SPEF2: variants seen among roughly 807,000 people sequenced by gnomAD.
SPEF2 encodes the protein sperm flagellar and cilia associated 2.
Under a neutral mutation model 224.6 loss-of-function variants are expected in SPEF2, and 187 were observed. That is an observed-to-expected ratio of 0.83 (90% CI 0.74 to 0.94). The LOEUF is 0.94. SPEF2 is among the 40% of genes least tolerant of loss of function. The probability of loss-of-function intolerance (pLI) is 0.00; values close to 1 mark genes in which losing one functional copy is unlikely to be tolerated. For missense variants in SPEF2, 2,170 were observed against 2,135.6 expected (o/e 1.02, Z -0.32); for synonymous variants, 715 against 707.3 (o/e 1.01, Z -0.17).
chr5:35,697,014 A>G (rs1055637888), intron 14 of SPEF2, among the ~76,000 whole-genome samples: 1 of 152,180 alleles, frequency 6.6e-6, no homozygotes, highest in Non-Finnish European at 1.5e-5. Context: ...GAATCAGGTC[A>G]GTCAGGGCCT....
At chr5:35,692,111 T>A (rs1228377611) in intron 11 of SPEF2, among the ~76,000 whole-genome samples, 1 of 152,020 alleles carries the variant, frequency 6.6e-6, no homozygotes, top group Non-Finnish European at 1.5e-5. Context: ...TCACGTTTTT[T>A]AAAAAGAAGC....
At chr5:35,709,211 CT>C in intron 19 of SPEF2, 90 bp downstream of exon 19, 1 of 1,550,076 alleles carries the variant, frequency 6.5e-7, no homozygotes, top group African/African-American at 1.4e-5. Flanking sequence ...TACATTCAGA[CT>C]TTGGGCAACT....
In SPEF2 at chr5:35,659,087, C is replaced by T. The variant is rs762981973; in HGVS notation, c.1047C>T (p.Ala349=). Residue 349 remains alanine, a synonymous_variant, in exon 8 of 37, where the codon GCC becomes GCT. Transcript: ENST00000356031. The stretch of plus-strand genomic sequence containing the variant: ...AGTCCCAGCAGGAGCGCAGGATTGC[C>T]GTGCAGCTCATGCATGTTCGGCATG... The part of the protein sequence containing the change: ...MRQSQQERRI[A]VQLMHVRHEK... 2.4e-4 allele frequency: 389 copies of T among 1,611,642 alleles called. 6 individuals carry two copies. In the South Asian group the frequency reaches 3.6e-3, roughly 15 times the overall value.
intron 23 of SPEF2, among the ~76,000 whole-genome samples, chr5:35,740,990 A>G (rs1747523790): frequency 6.6e-6 from 1 of 152,192 alleles, no homozygotes; most frequent in South Asian, 2.1e-4. Context: ...GATTTATGTA[A>G]TTAAAACATT....
In SPEF2 at chr5:35,694,295, A is replaced by G. The variant is rs746859107; in HGVS notation, c.1907A>G (p.Gln636Arg). ...TGTGTTTTCTCTCCAAAGGATCCAC[A>G]ACATGTATTTTCAGCTGGTCCAGTT... ...QEEIKESQDP[Q>R]HVFSAGPVSD... The change falls in exon 13 of 37, where the codon CAA becomes CGA. Residue 636 changes from glutamine (Q) to arginine (R), a missense_variant. Transcript: ENST00000356031. The G allele has an allele frequency of 3.7e-6, 6 of 1,613,428 alleles. No individual in the cohort carries two copies. Among genetic ancestry groups the G allele is most frequent in the Admixed American group, 1.7e-5 (1 of 59,986 alleles).
At chr5:35,671,164 A>G (rs2149480886) in intron 10 of SPEF2, 3 of 985,394 alleles carry the variant, frequency 3.0e-6, no homozygotes, top group Middle Eastern at 1.0e-3. Flanking sequence ...TATTTGACCT[A>G]ATTATTCACT....
At chr5:35,738,210 T>G (rs920326490) in intron 21 of SPEF2, among the ~76,000 whole-genome samples, 1 of 152,170 alleles carries the variant, frequency 6.6e-6, no homozygotes, top group African/African-American at 2.4e-5. Flanking sequence ...CGAAGCTCTT[T>G]AGTTTAATTA....
chr5:35,654,271 A>G (rs1208136825), intron 6 of SPEF2, among the ~76,000 whole-genome samples: 2 of 152,102 alleles, frequency 1.3e-5, no homozygotes, highest in East Asian at 3.9e-4. Context: ...AAAAAAAAAA[A>G]AAGGTGAAAG....
intron 36 of SPEF2, chr5:35,807,969 A>G: frequency 7.4e-7 from 1 of 1,357,816 alleles, no homozygotes; most frequent in Non-Finnish European, 9.5e-7. Flanking sequence ...TCCCTGTTTG[A>G]CTCCTGTGAG....
chr5:35,776,153 A>G, intron 28 of SPEF2, 104 bp from the exon 29 acceptor site: 1 of 1,188,892 alleles, frequency 8.4e-7, no homozygotes, highest in South Asian at 1.7e-5. Context: ...CGTGCACCTA[A>G]AGCTTCACAA....
intron 4 of SPEF2, 47 bp from the exon 5 acceptor site, chr5:35,646,620 T>A: frequency 6.4e-7 from 1 of 1,570,718 alleles, no homozygotes; most frequent in Non-Finnish European, 8.7e-7. Context: ...TTATATTGCC[T>A]ATTCTGTTAT....
intron 24 of SPEF2, among the ~76,000 whole-genome samples, chr5:35,755,876 C>T (rs546300210): frequency 1.5e-4 from 23 of 152,270 alleles, no homozygotes; most frequent in African/African-American, 5.3e-4. Flanking sequence ...TCCCAAAGTG[C>T]TGGGATTACA....
In SPEF2 at chr5:35,667,244, G is replaced by T. The variant is rs34852821; in HGVS notation, c.1340G>T (p.Arg447Leu). ...VDLSTKVADY[R>L]MLTNNLIPYK... is the part of the protein sequence containing the mutation. ...TTGTCCACTAAAGTGGCAGACTATC[G>T]AATGTTGACAAATAAGTAAGTATTT... The change falls in exon 9 of 37, where the codon CGA (arginine) becomes CTA (leucine). Residue 447 changes from arginine (R) to leucine (L), a missense_variant. Coordinates refer to ENST00000356031, the MANE Select transcript of SPEF2 (RefSeq NM_024867.4). The T allele has an allele frequency of 1.3e-6, 2 of 1,597,214 alleles. No individual in the cohort carries two copies. Among genetic ancestry groups the T allele is most frequent in the South Asian group, 1.1e-5 (1 of 87,810 alleles).
chr5:35,621,743 C>T (rs1255127008), intron 1 of SPEF2, among the ~76,000 whole-genome samples: 2 of 152,196 alleles, frequency 1.3e-5, no homozygotes, highest in Non-Finnish European at 2.9e-5. Flanking sequence ...AATGCCAAGC[C>T]TGTGCATTTG....
chr5:35,617,886 T>C lies in SPEF2; in HGVS notation c.-112T>C, dbSNP rs1399785596. On this transcript the variant is annotated 5_prime_UTR_variant, in exon 1 of 37. Transcript: ENST00000356031. The stretch of plus-strand genomic sequence containing the variant: ...GCCTTTCGCCTAGTTCCAGCCTGGA[T>C]ACGCTTCCATAGCAAAGGGTTGCCC... 1 of 1,019,814 alleles carries C rather than the reference T, an allele frequency of 9.8e-7. No homozygotes were observed. Among genetic ancestry groups the C allele is most frequent in the African/African-American group, 1.6e-5 (1 of 62,880 alleles). The allele number at this position is 1,019,814 out of a possible 1,614,324, so 63.2% of individuals were successfully genotyped here.
rs182694809 is a variant in SPEF2 at position 35,738,181 on chromosome 5, G to A, written c.3064-1738G>A. On this transcript the variant is annotated intron_variant, in intron 21 of 36. Coordinates refer to ENST00000356031, the MANE Select transcript of SPEF2 (RefSeq NM_024867.4). Reference sequence around the variant, plus strand: ...CTGTAGGTTGCCTGTTCACTCTGATGTAGTTTCTTTTGCTCTGCCGAAGCT... The same window carrying A: ...CTGTAGGTTGCCTGTTCACTCTGATATAGTTTCTTTTGCTCTGCCGAAGCT... Among the ~76,000 whole-genome samples, 294 of 152,162 alleles carry A rather than the reference G, an allele frequency of 1.9e-3. 2 individuals carry two copies. Among genetic ancestry groups the A allele is most frequent in the Non-Finnish European group, 3.2e-3 (217 of 67,994 alleles).
chr5:35,754,428 A>G (rs541325057), intron 24 of SPEF2, among the ~76,000 whole-genome samples: 1 of 152,320 alleles, frequency 6.6e-6, no homozygotes, highest in South Asian at 2.1e-4. Flanking sequence ...GTGTTTGCCA[A>G]TTGACATTAC....
At chr5:35,779,066 A>T in intron 29 of SPEF2, 51 bp from the exon 30 acceptor site, 2 of 1,382,996 alleles carry the variant, frequency 1.4e-6, no homozygotes, top group Non-Finnish European at 2.0e-6. Flanking sequence ...AACTTTATTA[A>T]TCTAATAGTA....
rs200667967 is a variant in SPEF2 at position 35,646,667 on chromosome 5, C to T, written c.586C>T (p.Gln196Ter). ...AAACTAATGTATATGGGATATTCAG[C>T]AATACTTAAACAGAAGACGACAAAA... ...EEQRCFDIEKQYLNRRRQNEI... is the reference protein window; with the variant it reads ...EEQRCFDIEK The change falls in exon 5 of 37, where the codon CAA (glutamine) becomes TAA (stop). Residue 196 changes from glutamine to a stop codon, truncating the protein, a stop_gained and splice_region_variant. Coordinates refer to ENST00000356031, the MANE Select transcript of SPEF2 (RefSeq NM_024867.4). LOFTEE classifies it high-confidence loss of function. 14 of 1,612,896 alleles carry T rather than the reference C, an allele frequency of 8.7e-6. No homozygotes were observed. The highest frequency in any genetic ancestry group is 1.2e-5 in the Non-Finnish European group (14 of 1,179,436).
Sources: gnomAD v4.1 joint callset for allele counts (sites outside exome capture counted in the v4.1 genomes callset) on GRCh38, gnomAD v4.1.1 for gene constraint, MANE v1.5 for transcripts, NCBI Gene and HGNC (gene_info 2026-07-23, HGNC 2026-07-21) for gene names.